The following PHLDA1 variants were observed in gnomAD, a reference collection of about 807,000 sequenced individuals.
PHLDA1 encodes pleckstrin homology-like domain family A member 1.
Under a neutral mutation model 33.8 loss-of-function variants are expected in PHLDA1, and 28 were observed. The ratio of observed to expected loss-of-function variants is 0.83; its 90% CI spans 0.61 to 1.14. The LOEUF is 1.14. Among genes scored for constraint, PHLDA1 ranks in the 50% most tolerant of loss-of-function variants. The pLI, the probability that PHLDA1 is intolerant of heterozygous loss-of-function variation, is 0.00. For missense variants in PHLDA1, 595 were observed against 548.6 expected, an observed-to-expected ratio of 1.08 and a Z score of -0.84; for synonymous variants, 271 against 243.6, an observed-to-expected ratio of 1.11 and a Z score of -1.05.
intron 1 of PHLDA1, among the ~76,000 whole-genome samples, 198 bp from the exon 2 acceptor site, chr12:76,030,290 G>T (rs1055186798): frequency 2.6e-5 from 4 of 152,134 alleles, no homozygotes; most frequent in African/African-American, 9.7e-5. Context: ...GCGCGGGCGC[G>T]GTCCGCGAGG....
intron 1 of PHLDA1, among the ~76,000 whole-genome samples, 196 bp from the exon 2 acceptor site, chr12:76,030,288 G>T (rs1870862357): frequency 6.6e-6 from 1 of 152,052 alleles, no homozygotes; most frequent in South Asian, 2.1e-4. Context: ...GGGCGCGGGC[G>T]CGGTCCGCGA....
chr12:76,025,831 C>T (rs1281142002), exon 2 of PHLDA1: 1 of 152,232 alleles, frequency 6.6e-6, no homozygotes, highest in Non-Finnish European at 1.5e-5. Context: ...TGTGCAGATG[C>T]TTCTAACCCA....
exon 1 of PHLDA1, chr12:76,030,623 A>G (rs1870871670): frequency 6.4e-7 from 1 of 1,555,504 alleles, no homozygotes; most frequent in Non-Finnish European, 8.9e-7. Flanking sequence ...TTTGGTGCGG[A>G]TGCGGGTGCG....
At position 76,031,303 on chromosome 12, in the gene PHLDA1, C is replaced by T; in HGVS notation, c.439G>A (p.Gly147Ser). 3 of 1,613,712 alleles carry T rather than the reference C, an allele frequency of 1.9e-6. No homozygotes were observed. Among genetic ancestry groups the T allele is most frequent in the Non-Finnish European group, 2.5e-6 (3 of 1,179,894 alleles). Residue 147 changes from glycine (G) to serine (S), a missense_variant, in exon 1 of 2, where the codon GGC (glycine) becomes AGC (serine). Physicochemically the swap from Gly to Ser is moderately conservative, Grantham distance 56. Transcript: ENST00000266671. The surrounding 1 kb of genome is among the most constrained non-coding windows in gnomAD (Gnocchi z 5.4). ...ACGCCCTCCTTCAGCGCTTTGCAGC[C>T]GCTACTCTCCAGCATCCTCCCAGCA...
chr12:76,029,329 C>CA (rs1870842488), exon 2 of PHLDA1: 1 of 152,140 alleles, frequency 6.6e-6, no homozygotes, highest in Non-Finnish European at 1.5e-5. Context: ...ATGATAAAAG[C>CA]AAGGTTTTCC....
At chr12:76,028,247 C>G (rs1870819656) in exon 2 of PHLDA1, 1 of 152,004 alleles carries the variant, frequency 6.6e-6, no homozygotes, top group African/African-American at 2.4e-5. Flanking sequence ...TGTATATATA[C>G]ATACATATTC....
chr12:76,029,201 T>C (rs1870836698), exon 2 of PHLDA1: 1 of 152,198 alleles, frequency 6.6e-6, no homozygotes, highest in African/African-American at 2.4e-5. Context: ...AATATTCTCT[T>C]ATACAAGTTA....
rs143227608 is a variant in PHLDA1 at position 76,030,521 on chromosome 12, C to T, written c.*15G>A. ...TGCCGGGACCTTACCTTGTCTTGCC[C>T]GGGAGCTGCCCCTTTCAGGCAGAGT... is the stretch of plus-strand genomic sequence containing the variant. On this transcript the variant is annotated 3_prime_UTR_variant, in exon 1 of 2. Coordinates refer to ENST00000266671, the Ensembl canonical transcript of PHLDA1. 2.1e-4 allele frequency: 339 copies of T among 1,610,988 alleles called. 1 individual carries two copies. The African/African-American group carries it at 3.7e-3, about 17-fold the overall frequency.
At chr12:76,030,238 G>A in intron 1 of PHLDA1, 146 bp from the exon 2 acceptor site, 1 of 511,646 alleles carries the variant, frequency 2.0e-6, no homozygotes, top group East Asian at 3.0e-5. Context: ...AAGTGGGGCT[G>A]GGGGACGCAC....
At chr12:76,027,813 C>T (rs1381969569) in exon 2 of PHLDA1, 2 of 151,082 alleles carry the variant, frequency 1.3e-5, no homozygotes, top group Non-Finnish European at 2.9e-5. Flanking sequence ...TATTAAGAAC[C>T]ATGGCCACCA....
At chr12:76,030,350 C>G in intron 1 of PHLDA1, 160 bp downstream of exon 1, 1 of 643,974 alleles carries the variant, frequency 1.6e-6, no homozygotes, top group Non-Finnish European at 2.7e-6. Context: ...GCCCAGCTCT[C>G]CTGGCCCCAG....
intron 1 of PHLDA1, 143 bp from the exon 2 acceptor site, chr12:76,030,235 G>A (rs1870860636): frequency 2.0e-6 from 1 of 506,602 alleles, no homozygotes; most frequent in African/African-American, 1.9e-5. Context: ...GTCAAGTGGG[G>A]CTGGGGGACG....
chr12:76,030,471 G>C, intron 1 of PHLDA1, 39 bp downstream of exon 1: 2 of 1,540,478 alleles, frequency 1.3e-6, no homozygotes, highest in Non-Finnish European at 1.8e-6. Context: ...CACTACCCCC[G>C]AGACCCACTC....
At chr12:76,027,282 T>C (rs1870793979) in exon 2 of PHLDA1, 1 of 152,212 alleles carries the variant, frequency 6.6e-6, no homozygotes, top group South Asian at 2.1e-4. Flanking sequence ...TTGAGCGTGT[T>C]TGCTTTTTTG....
chr12:76,030,574 C>T (rs746042064), exon 1 of PHLDA1: 3 of 1,613,656 alleles, frequency 1.9e-6, no homozygotes, highest in African/African-American at 1.3e-5. Context: ...AGCCGGTGCC[C>T]GTGCGGCTGC....
In PHLDA1 at chr12:76,031,733, A is replaced by T; in HGVS notation, c.9T>A (p.Arg3=). Residue 3 remains arginine, a synonymous_variant, in exon 1 of 2, where the codon CGT becomes CGA. Transcript: ENST00000266671. This position sits in a 1 kb window ranked among gnomAD's most constrained non-coding sequence, Gnocchi z 5.4. ...CCAAGAGGCGCTCGGCAGCCGGCGC[A>T]CGCCTCATTAACTTGGGGCCTTTCC... The T allele has an allele frequency of 2.2e-6, 3 of 1,385,108 alleles. No individual in the cohort carries two copies. Among genetic ancestry groups the T allele is most frequent in the Non-Finnish European group, 2.8e-6 (3 of 1,066,098 alleles). 85.8% of individuals were successfully genotyped at this position (1,385,108 alleles called of 1,614,324 possible). A position where few individuals can be genotyped will look rare whatever the true frequency, so the allele number is the denominator to read the frequency against.
Position 76,031,380 on chromosome 12 carries a change from G to A in PHLDA1, c.362C>T (p.Pro121Leu), listed in dbSNP as rs1414164794. The A allele has an allele frequency of 1.9e-6, 3 of 1,604,510 alleles. No individual in the cohort carries two copies. The highest frequency in any genetic ancestry group is 1.7e-5 in the Admixed American group (1 of 59,428). The change falls in exon 1 of 2, where the codon CCG (proline) becomes CTG (leucine). Residue 121 changes from proline (P) to leucine (L), a missense_variant. Physicochemically the swap from Pro to Leu is moderately conservative, Grantham distance 98. Coordinates refer to ENST00000266671, the Ensembl canonical transcript of PHLDA1. The surrounding 1 kb of genome is among the most constrained non-coding windows in gnomAD (Gnocchi z 5.4). ...CTCTCCGTTTCCAGCCGCGCGGGCC[G>A]GGGGCAGCAGCAGCAGCCTCGCGCC... is the stretch of plus-strand genomic sequence containing the variant.
exon 1 of PHLDA1, chr12:76,030,558 C>T (rs934256515): frequency 6.2e-7 from 1 of 1,613,674 alleles, no homozygotes; most frequent in Non-Finnish European, 8.5e-7. Context: ...GGAGGTGCTG[C>T]GGAGAAGCCG....
Position 76,030,645 on chromosome 12 carries a change from G to T in PHLDA1, c.1097C>A (p.Pro366Gln), listed in dbSNP as rs895902753. 4.3e-6 allele frequency: 6 copies of T among 1,411,012 alleles called. No homozygotes were observed. In the Admixed American group the frequency reaches 7.0e-5, roughly 17 times the overall value. The allele number at this position is 1,411,012 out of a possible 1,614,324, so 87.4% of individuals were successfully genotyped here. ...CGGATGCGGGTGCGGGTGAGGGTGTGGGTGCGAGTGAGGATGAGAGTGTGG... is the reference window on the plus strand; with the variant it reads ...CGGATGCGGGTGCGGGTGAGGGTGTTGGTGCGAGTGAGGATGAGAGTGTGG... The change falls in exon 1 of 2, where the codon CCA becomes CAA. Residue 366 changes from proline (P) to glutamine (Q), a missense_variant. By Grantham distance (76) the Pro-to-Gln change is moderately conservative (BLOSUM62 -1). Coordinates refer to ENST00000266671, the Ensembl canonical transcript of PHLDA1.
Sources: gnomAD v4.1 joint callset for allele counts (sites outside exome capture counted in the v4.1 genomes callset) on GRCh38, gnomAD v4.1.1 for gene constraint, Gnocchi (gnomAD v3.1) non-coding constraint, MANE v1.5 for transcripts, NCBI Gene and HGNC (gene_info 2026-07-23, HGNC 2026-07-21) for gene names.